Variants in TTLL11 observed in about 807,000 individuals in gnomAD.
TTLL11 encodes tubulin tyrosine ligase like 11.
In TTLL11, 42 loss-of-function variants were observed where a neutral mutation model predicts 51.7. That is an observed-to-expected ratio of 0.81 (90% CI 0.64 to 1.05). The LOEUF (loss-of-function observed/expected upper bound fraction) is 1.05. Ranked by LOEUF, TTLL11 falls within the 50% of genes least tolerant of loss-of-function variation. The pLI is 0.00. For missense variants in TTLL11, 799 were observed against 940.4 expected (o/e 0.85, Z 1.97); for synonymous variants, 381 against 383.5 (o/e 0.99, Z 0.08).
At chr9:121,857,915 T>C (rs1281982099) in intron 8 of TTLL11, among the ~76,000 whole-genome samples, 1 of 152,110 alleles carries the variant, frequency 6.6e-6, no homozygotes, top group African/African-American at 2.4e-5. Context: ...TCCTGATCAA[T>C]TTCAATATTT....
intron 6 of TTLL11, among the ~76,000 whole-genome samples, chr9:121,936,478 G>T (rs1003204295): frequency 6.6e-6 from 1 of 152,058 alleles, no homozygotes; most frequent in Non-Finnish European, 1.5e-5. Flanking sequence ...GAAGAGACAA[G>T]ACTTCACTCC....
At chr9:121,997,360 C>CCCACT (rs1843306680) in intron 3 of TTLL11, among the ~76,000 whole-genome samples, 1 of 152,080 alleles carries the variant, frequency 6.6e-6, no homozygotes, top group Non-Finnish European at 1.5e-5. Flanking sequence ...GCCTGGCCTC[C>CCCACT]CCACTCCTTC....
chr9:121,917,879 T>C (rs1260122488), intron 6 of TTLL11, among the ~76,000 whole-genome samples: 3 of 152,192 alleles, frequency 2.0e-5, no homozygotes, highest in Non-Finnish European at 4.4e-5. Flanking sequence ...AATGGGGTCA[T>C]TGAAAATAAA....
At chr9:121,987,556 G>A (rs751905305) in intron 4 of TTLL11, among the ~76,000 whole-genome samples, 13 of 152,160 alleles carry the variant, frequency 8.5e-5, no homozygotes, top group Non-Finnish European at 1.6e-4. Context: ...TGGCTCCATC[G>A]CTCTGCTGAA....
At chr9:121,958,955 T>C (rs1842116813) in intron 6 of TTLL11, among the ~76,000 whole-genome samples, 1 of 138,456 alleles carries the variant, frequency 7.2e-6, no homozygotes, top group African/African-American at 2.6e-5. Context: ...TCACTCCTTC[T>C]GCCAGGCATG....
intron 7 of TTLL11, among the ~76,000 whole-genome samples, chr9:121,869,984 GCAAATTTTGC>G (rs1223470953): frequency 4.6e-5 from 7 of 152,158 alleles, no homozygotes; most frequent in Non-Finnish European, 1.0e-4. Context: ...GAAAATTCAT[GCAAATTTTGC>G]ATTACACTCT....
chr9:121,889,355 T>G (rs1839134154), intron 6 of TTLL11, among the ~76,000 whole-genome samples: 1 of 152,202 alleles, frequency 6.6e-6, no homozygotes, highest in Admixed American at 6.5e-5. Flanking sequence ...TGGAATACTT[T>G]TTTAATTTTT....
intron 8 of TTLL11, among the ~76,000 whole-genome samples, chr9:121,840,765 T>C (rs764714465): frequency 2.0e-5 from 3 of 152,112 alleles, no homozygotes; most frequent in Non-Finnish European, 4.4e-5. Flanking sequence ...AGGTGACCAA[T>C]AGGGAACCAT....
At chr9:122,025,139 T>C in intron 3 of TTLL11, among the ~76,000 whole-genome samples, 1 of 151,430 alleles carries the variant, frequency 6.6e-6, no homozygotes, top group South Asian at 2.1e-4. Context: ...AGCTCAATAA[T>C]AAAAATAAAC....
intron 1 of TTLL11, among the ~76,000 whole-genome samples, chr9:122,048,906 G>T (rs925138998): frequency 6.6e-6 from 1 of 151,946 alleles, no homozygotes; most frequent in Non-Finnish European, 1.5e-5. Context: ...AGCACAAGGA[G>T]AGCCCATGAT....
rs112262195 is a variant in TTLL11 at position 121,979,742 on chromosome 9, A to C, written c.1270-4763T>G. Among the ~76,000 whole-genome samples, 879 of 152,056 alleles carry C rather than the reference A, an allele frequency of 5.8e-3. 10 individuals are homozygous for C. The highest frequency in any genetic ancestry group is 0.02 in the African/African-American group (845 of 41,448). On this transcript the variant is annotated intron_variant, in intron 4 of 8. Transcript: ENST00000321582. ...CTAAAGTGCAAATAGACTATTAACA[A>C]TCCTTTGCCCAAAATCCGTGTCTAC... is the stretch of plus-strand genomic sequence containing the variant.
intron 7 of TTLL11, among the ~76,000 whole-genome samples, chr9:121,870,046 A>T (rs937056250): frequency 6.6e-6 from 1 of 152,216 alleles, no homozygotes; most frequent in African/African-American, 2.4e-5. Flanking sequence ...CAAATGTATT[A>T]AAATATTTAT....
At chr9:122,030,202 T>TGG (rs35688566) in intron 3 of TTLL11, among the ~76,000 whole-genome samples, 1,406 of 78,084 alleles carry the variant, frequency 0.018, 36 homozygotes, top group Non-Finnish European at 0.026. Context: ...AGAGAGACAT[T>TGG]GGGGGGGGGG....
rs1407224657 is a variant in TTLL11, at chr9:121,899,398, TATATAC to T, written c.1482-28656_1482-28651del. Among the ~76,000 whole-genome samples the T allele has an allele frequency of 3.8e-3, 294 of 78,268 alleles. 1 individual carries two copies. Among genetic ancestry groups the T allele is most frequent in the East Asian group, 0.023 (31 of 1,372 alleles). The allele number at this position is 78,268 out of a possible 152,430, so 51.3% of individuals were successfully genotyped here. On this transcript the variant is annotated intron_variant, in intron 6 of 8. Coordinates refer to ENST00000321582, the MANE Select transcript of TTLL11 (RefSeq NM_001139442.2). ...ATATACATATATATATATATATATATATATACACACACACACACATTTAGAGACAGA... is the reference window on the plus strand; with the variant it reads ...ATATACATATATATATATATATATATACACACACACACATTTAGAGACAGA...
chr9:121,875,100 T>G (rs1386309006), intron 6 of TTLL11, among the ~76,000 whole-genome samples: 2 of 152,230 alleles, frequency 1.3e-5, no homozygotes, highest in East Asian at 3.8e-4. Flanking sequence ...CATTTTCAAG[T>G]GGACAGTTCA....
At chr9:121,839,181 C>A (rs1405519994) in intron 8 of TTLL11, among the ~76,000 whole-genome samples, 1 of 152,216 alleles carries the variant, frequency 6.6e-6, no homozygotes, top group Non-Finnish European at 1.5e-5. Context: ...CGCATCACAA[C>A]GTCTAATTAC....
Position 122,093,169 on chromosome 9 carries a change from G to C in TTLL11, c.-21C>G. 6.7e-7 allele frequency: 1 copy of C among 1,493,222 alleles called. No individual in the cohort carries two copies. Among genetic ancestry groups the C allele is most frequent in the Non-Finnish European group, 8.9e-7 (1 of 1,129,406 alleles). The allele number at this position is 1,493,222 out of a possible 1,614,324, so 92.5% of individuals were successfully genotyped here. A position where few individuals can be genotyped will look rare whatever the true frequency, so the allele number is the denominator to read the frequency against. On this transcript the variant is annotated 5_prime_UTR_variant, in exon 1 of 9. Coordinates refer to ENST00000321582, the MANE Select transcript of TTLL11 (RefSeq NM_001139442.2). ...CGCATGGTGCTCAGGGCCGGGGCCA[G>C]TGCCAGTGCCACCGCCGCCGCCGCC... is the stretch of plus-strand genomic sequence containing the variant.
intron 8 of TTLL11, among the ~76,000 whole-genome samples, chr9:121,826,223 C>CACACAT (rs1382049021): frequency 5.6e-5 from 2 of 35,544 alleles, no homozygotes; most frequent in African/African-American, 1.5e-4. Context: ...TATATGCACA[C>CACACAT]ATATATATAT....
At chr9:122,054,345 G>A (rs10985511) in intron 1 of TTLL11, among the ~76,000 whole-genome samples, 13,498 of 151,986 alleles carry the variant, frequency 0.089, 848 homozygotes, top group African/African-American at 0.15. Flanking sequence ...TAATTTCAGC[G>A]TACCATAGCA....
Sources: allele counts gnomAD v4.1 joint callset (sites outside exome capture counted in the v4.1 genomes callset), GRCh38; gene constraint gnomAD v4.1.1; transcripts MANE v1.5; gene names NCBI Gene and HGNC (gene_info 2026-07-23, HGNC 2026-07-21).